Variants in PRKAR2A observed in about 807,000 individuals in gnomAD.
The protein encoded by PRKAR2A is protein kinase cAMP-dependent type II regulatory subunit alpha.
Under a neutral mutation model 51.9 loss-of-function variants are expected in PRKAR2A, and 29 were observed. That is an observed-to-expected ratio of 0.56 (90% CI 0.42 to 0.76). The LOEUF (loss-of-function observed/expected upper bound fraction) is 0.76. Among genes scored for constraint, PRKAR2A ranks in the 30% least tolerant of loss-of-function variants. The probability of loss-of-function intolerance (pLI) is 0.00; values close to 1 mark genes in which losing one functional copy is unlikely to be tolerated. For synonymous variants in PRKAR2A, 178 were observed against 186.2 expected (o/e 0.96, Z 0.36); for missense variants, 445 against 512.1 (o/e 0.87, Z 1.26).
intron 1 of PRKAR2A, among the ~76,000 whole-genome samples, chr3:48,835,733 G>A (rs1383098599): frequency 6.6e-6 from 1 of 150,942 alleles, no homozygotes; most frequent in Non-Finnish European, 1.5e-5. Flanking sequence ...AGGCTGCAGT[G>A]AGCCAATCGT....
At chr3:48,796,324 G>T (rs1229895483) in intron 2 of PRKAR2A, among the ~76,000 whole-genome samples, 6 of 152,184 alleles carry the variant, frequency 3.9e-5, no homozygotes, top group Non-Finnish European at 5.9e-5. Flanking sequence ...GAGGCAACTT[G>T]AACTATTACC....
At chr3:48,829,620 ACGTGTG>A (rs1195530366) in intron 1 of PRKAR2A, among the ~76,000 whole-genome samples, 3 of 137,258 alleles carry the variant, frequency 2.2e-5, no homozygotes, top group Non-Finnish European at 4.7e-5. Flanking sequence ...GTGTGTGTAT[ACGTGTG>A]TATACACACA....
chr3:48,839,725 TAC>T (rs10552010), intron 1 of PRKAR2A, among the ~76,000 whole-genome samples: 99,268 of 151,804 alleles, frequency 0.65, 33,218 homozygotes, highest in East Asian at 0.96. Context: ...CCTTGCTATA[TAC>T]AGTTATTACA....
chr3:48,832,207 T>A (rs1176130081), intron 1 of PRKAR2A, among the ~76,000 whole-genome samples: 1 of 150,176 alleles, frequency 6.7e-6, no homozygotes, highest in African/African-American at 2.5e-5. Flanking sequence ...GGCACGAGAA[T>A]CGCTTGAACC....
At chr3:48,793,365 TG>T (rs1425173613) in intron 3 of PRKAR2A, among the ~76,000 whole-genome samples, 2 of 152,188 alleles carry the variant, frequency 1.3e-5, no homozygotes, top group African/African-American at 4.8e-5. Context: ...CAACTTTCAT[TG>T]GGGATAAATT....
rs1023992668 is a variant in PRKAR2A at position 48,747,327 on chromosome 3, T to A, written c.*4258A>T. 1.3e-5 allele frequency: 2 copies of A among 152,192 alleles called. No individual in the cohort carries two copies. Among genetic ancestry groups the A allele is most frequent in the African/African-American group, 4.8e-5 (2 of 41,448 alleles). The allele number at this position is 152,192 out of a possible 1,614,324, so 9.4% of individuals were successfully genotyped here. ...TCATGGATCTTTTTATTTTTCTCTG[T>A]GCAAAATGCTCTTCTTTCTGAATTA... is the stretch of plus-strand genomic sequence containing the variant. On this transcript the variant is annotated 3_prime_UTR_variant, in exon 11 of 11. Transcript: ENST00000265563.
intron 2 of PRKAR2A, among the ~76,000 whole-genome samples, chr3:48,801,536 A>G (rs1428284059): frequency 6.6e-6 from 1 of 151,936 alleles, no homozygotes; most frequent in Non-Finnish European, 1.5e-5. Flanking sequence ...TGACCAGCCC[A>G]TCTCAGCCTC....
intron 5 of PRKAR2A, among the ~76,000 whole-genome samples, chr3:48,776,919 G>A (rs1260324010): frequency 6.6e-6 from 1 of 152,106 alleles, no homozygotes; most frequent in Admixed American, 6.6e-5. Flanking sequence ...AACAATGTAT[G>A]ATTTAATGTA....
chr3:48,781,335 C>T (rs1490480203), intron 5 of PRKAR2A, among the ~76,000 whole-genome samples: 1 of 150,012 alleles, frequency 6.7e-6, no homozygotes. Context: ...ACCTAGGGAA[C>T]CTGTATTTAC....
chr3:48,805,561 C>T (rs932478934), intron 2 of PRKAR2A, among the ~76,000 whole-genome samples: 11 of 152,152 alleles, frequency 7.2e-5, no homozygotes, highest in African/African-American at 2.4e-4. Context: ...GTTACTTAAC[C>T]TCTGCTTTGT....
rs775569804 is a variant in PRKAR2A at position 48,847,380 on chromosome 3, C to T, written c.217G>A (p.Asp73Asn). 9.9e-6 allele frequency: 16 copies of T among 1,612,944 alleles called. No individual in the cohort carries two copies. In the South Asian group the frequency reaches 1.4e-4, roughly 14 times the overall value. ...PPEPGPDRVA[D>N]AKGDSESEED... ...TCCGACTCGCTGTCCCCTTTGGCGTCGGCGACACGGTCCGGGCCGGGTTCT... is the reference window on the plus strand; with the variant it reads ...TCCGACTCGCTGTCCCCTTTGGCGTTGGCGACACGGTCCGGGCCGGGTTCT... Residue 73 changes from aspartate (D) to asparagine (N), a missense_variant, in exon 1 of 11, where the codon GAC becomes AAC. Asp to Asn is a conservative substitution (Grantham distance 23, BLOSUM62 1). Transcript: ENST00000265563. This position sits in a 1 kb window ranked among gnomAD's most constrained non-coding sequence, Gnocchi z 4.4.
intron 6 of PRKAR2A, among the ~76,000 whole-genome samples, 187 bp from the exon 7 acceptor site, chr3:48,765,536 C>G (rs2081928395): frequency 6.6e-6 from 1 of 151,974 alleles, no homozygotes; most frequent in Non-Finnish European, 1.5e-5. Flanking sequence ...GCCAGATGCC[C>G]ACATGCTGTT....
intron 1 of PRKAR2A, among the ~76,000 whole-genome samples, chr3:48,841,784 G>A (rs1472774999): frequency 1.3e-5 from 2 of 151,962 alleles, no homozygotes; most frequent in Non-Finnish European, 2.9e-5. Context: ...CTCATTGTAT[G>A]CAATGTATTT....
chr3:48,846,474 C>T (rs2083464669), intron 1 of PRKAR2A, among the ~76,000 whole-genome samples: 1 of 152,172 alleles, frequency 6.6e-6, no homozygotes, highest in Non-Finnish European at 1.5e-5. Context: ...GCCTCGGCCT[C>T]CCAAAGTGCT....
intron 5 of PRKAR2A, among the ~76,000 whole-genome samples, chr3:48,775,267 C>T (rs1298111688): frequency 1.3e-5 from 2 of 151,532 alleles, no homozygotes; most frequent in African/African-American, 4.9e-5. Flanking sequence ...GGTGAAACCC[C>T]GTCTCTACTA....
chr3:48,800,874 C>T (rs1176037958), intron 2 of PRKAR2A, among the ~76,000 whole-genome samples: 2 of 151,826 alleles, frequency 1.3e-5, no homozygotes, highest in Admixed American at 6.6e-5. Flanking sequence ...AGGGTTTCAC[C>T]GTGTTAGCCA....
chr3:48,751,774 CA>C lies in PRKAR2A; in HGVS notation c.1082-57del. 1.9e-6 allele frequency: 3 copies of C among 1,568,054 alleles called. No individual in the cohort carries two copies. In the East Asian group the frequency reaches 6.8e-5, roughly 36 times the overall value. ...ATGAATTCAAGCCATTTCCCTCATG[CA>C]AACCTTTTCCTAAACATACCCATTC... On this transcript the variant is annotated intron_variant, in intron 10 of 10. Transcript: ENST00000265563.
chr3:48,755,285 C>T (rs147260755), intron 9 of PRKAR2A, among the ~76,000 whole-genome samples: 29 of 151,870 alleles, frequency 1.9e-4, no homozygotes, highest in African/African-American at 6.5e-4. Context: ...TGTGAGCCAC[C>T]GTGCCCGGCT....
At chr3:48,791,933 GAT>G (rs1244801531) in intron 3 of PRKAR2A, among the ~76,000 whole-genome samples, 1 of 90,044 alleles carries the variant, frequency 1.1e-5, no homozygotes, top group East Asian at 3.4e-4. Context: ...AAAAAAAAAA[GAT>G]AGTGTTAAAT....
Sources: allele counts gnomAD v4.1 joint callset (sites outside exome capture counted in the v4.1 genomes callset), GRCh38; gene constraint gnomAD v4.1.1; non-coding constraint Gnocchi (gnomAD v3.1); transcripts MANE v1.5; gene names NCBI Gene and HGNC (gene_info 2026-07-23, HGNC 2026-07-21).